CDH8: variants seen among roughly 807,000 people sequenced by gnomAD.
CDH8 encodes the protein cadherin 8, also known as cadherin-8.
Under a neutral mutation model 68.1 loss-of-function variants are expected in CDH8, and 17 were observed. The observed-to-expected ratio is 0.25, with a 90% CI of 0.17 to 0.37. CDH8 has a LOEUF of 0.37. Among genes scored for constraint, CDH8 ranks in the 10% least tolerant of loss-of-function variants. The pLI is 1.00. For missense variants in CDH8, 763 were observed against 999.3 expected, an observed-to-expected ratio of 0.76 and a Z score of 3.19; for synonymous variants, 372 against 365.1, an observed-to-expected ratio of 1.02 and a Z score of -0.21.
intron 8 of CDH8, among the ~76,000 whole-genome samples, chr16:61,761,759 T>G (rs1372688796): frequency 6.6e-6 from 1 of 152,036 alleles, no homozygotes; most frequent in Non-Finnish European, 1.5e-5. Context: ...TCCCAGGACT[T>G]TGGGAGGCCG....
chr16:62,017,892 C>G (rs1429138079), intron 2 of CDH8, among the ~76,000 whole-genome samples: 1 of 152,094 alleles, frequency 6.6e-6, no homozygotes, highest in East Asian at 1.9e-4. Context: ...AACATCACCT[C>G]CACACTATAC....
intron 2 of CDH8, among the ~76,000 whole-genome samples, chr16:61,941,519 C>A (rs922371315): frequency 2.0e-5 from 3 of 152,054 alleles, no homozygotes; most frequent in Admixed American, 2.0e-4. Flanking sequence ...GCACAGTCTC[C>A]GCTCACTGCA....
At chr16:61,663,151 G>A (rs1963601929) in intron 10 of CDH8, among the ~76,000 whole-genome samples, 1 of 151,936 alleles carries the variant, frequency 6.6e-6, no homozygotes, top group African/African-American at 2.4e-5. Flanking sequence ...CAAGGTATGT[G>A]CCAAGTAAAT....
chr16:62,022,058 C>A (rs899901635), intron 1 of CDH8, among the ~76,000 whole-genome samples: 20 of 151,186 alleles, frequency 1.3e-4, no homozygotes, highest in African/African-American at 4.8e-4. Flanking sequence ...CTTTCTTTCA[C>A]TTTTTTTTTA....
chr16:61,847,326 A>C (rs560368221), intron 4 of CDH8, among the ~76,000 whole-genome samples: 23 of 151,996 alleles, frequency 1.5e-4, no homozygotes, highest in African/African-American at 5.1e-4. Flanking sequence ...ACAAAAAGAG[A>C]AATTATGGCC....
intron 2 of CDH8, among the ~76,000 whole-genome samples, chr16:61,970,799 A>G (rs1370461518): frequency 6.6e-6 from 1 of 152,230 alleles, no homozygotes; most frequent in East Asian, 1.9e-4. Flanking sequence ...CAGGCCTCTG[A>G]GCCCAAGCCA....
At chr16:61,975,476 A>T (rs974517323) in intron 2 of CDH8, among the ~76,000 whole-genome samples, 4 of 152,222 alleles carry the variant, frequency 2.6e-5, no homozygotes, top group African/African-American at 7.2e-5. Flanking sequence ...AGTGTATGCC[A>T]TAGGCTAAGC....
chr16:61,663,075 G>A lies in CDH8; in HGVS notation c.1655-7354C>T, dbSNP rs139785166. On this transcript the variant is annotated intron_variant, in intron 10 of 11. Transcript: ENST00000577390. ...AAAGTGGGCTAAGAGCACCAGTCATGCATCCAATGACAATATTCCTAAAGT... is the reference window on the plus strand; with the variant it reads ...AAAGTGGGCTAAGAGCACCAGTCATACATCCAATGACAATATTCCTAAAGT... Among the ~76,000 whole-genome samples, 308 of 152,112 alleles carry A rather than the reference G, an allele frequency of 2.0e-3. 1 individual carries two copies. Among genetic ancestry groups the A allele is most frequent in the Non-Finnish European group, 3.5e-3 (241 of 67,930 alleles).
At chr16:61,727,451 T>C (rs942170975) in intron 8 of CDH8, among the ~76,000 whole-genome samples, 6 of 151,082 alleles carry the variant, frequency 4.0e-5, no homozygotes, top group African/African-American at 1.2e-4. Flanking sequence ...ATAAAGACCA[T>C]TTCTGAATAA....
At chr16:61,699,958 T>C (rs1416179616) in intron 10 of CDH8, among the ~76,000 whole-genome samples, 2 of 152,252 alleles carry the variant, frequency 1.3e-5, no homozygotes, top group African/African-American at 4.8e-5. Context: ...TTAATGGAAA[T>C]ATTATATTTC....
At chr16:61,826,429 C>T (rs1444439281) in intron 4 of CDH8, among the ~76,000 whole-genome samples, 1 of 151,704 alleles carries the variant, frequency 6.6e-6, no homozygotes, top group East Asian at 1.9e-4. Context: ...GCCCCTTCCC[C>T]ATATTGCTAA....
chr16:61,696,892 A>G (rs1964336530), intron 10 of CDH8, among the ~76,000 whole-genome samples: 1 of 152,168 alleles, frequency 6.6e-6, no homozygotes, highest in Non-Finnish European at 1.5e-5. Flanking sequence ...TAAACAGTGA[A>G]GTACACATGG....
chr16:61,926,970 T>C (rs952084235), intron 2 of CDH8, among the ~76,000 whole-genome samples: 8 of 152,168 alleles, frequency 5.3e-5, no homozygotes, highest in Non-Finnish European at 1.5e-5. Flanking sequence ...TTAGAAGGCA[T>C]TGCATGAGTC....
intron 4 of CDH8, 68 bp from the exon 5 acceptor site, chr16:61,825,247 A>T: frequency 8.7e-7 from 1 of 1,155,232 alleles, no homozygotes; most frequent in Non-Finnish European, 1.3e-6. Flanking sequence ...TGTTAATCTC[A>T]CACATGCACA....
chr16:61,831,613 T>A (rs1360524170), intron 4 of CDH8, among the ~76,000 whole-genome samples: 1 of 151,798 alleles, frequency 6.6e-6, no homozygotes, highest in Non-Finnish European at 1.5e-5. Flanking sequence ...TTCTTCCCAT[T>A]GTCTTTGGCG....
At chr16:61,791,675 C>A (rs1410512591) in intron 7 of CDH8, among the ~76,000 whole-genome samples, 2 of 152,008 alleles carry the variant, frequency 1.3e-5, no homozygotes, top group South Asian at 4.1e-4. Context: ...GAAACACATT[C>A]CATGGCTATT....
At chr16:61,959,996 A>ATATATATATG (rs1241581525) in intron 2 of CDH8, among the ~76,000 whole-genome samples, 1 of 79,076 alleles carries the variant, frequency 1.3e-5, no homozygotes, top group Non-Finnish European at 2.2e-5. Flanking sequence ...ATATATATAT[A>ATATATATATG]TATATATATA....
chr16:61,974,277 T>G (rs1171099530), intron 2 of CDH8, among the ~76,000 whole-genome samples: 1 of 152,202 alleles, frequency 6.6e-6, no homozygotes, highest in Non-Finnish European at 1.5e-5. Context: ...TGTGGAATAT[T>G]TTATTAAGTG....
At chr16:62,021,741 A>G in intron 1 of CDH8, 139 bp from the exon 2 acceptor site, 1 of 417,042 alleles carries the variant, frequency 2.4e-6, no homozygotes, top group Non-Finnish European at 4.1e-6. Context: ...GATCTGAAGA[A>G]TTAGAATAAG....
Sources: gnomAD v4.1 joint callset for allele counts (sites outside exome capture counted in the v4.1 genomes callset) on GRCh38, gnomAD v4.1.1 for gene constraint, MANE v1.5 for transcripts, NCBI Gene and HGNC (gene_info 2026-07-23, HGNC 2026-07-21) for gene names.